NME8: variants seen among roughly 807,000 people sequenced by gnomAD.
The protein encoded by NME8 is protein NME8.
Under a neutral mutation model 82.3 loss-of-function variants are expected in NME8, and 72 were observed. The observed-to-expected ratio is 0.87, with a 90% CI of 0.72 to 1.06. NME8 has a LOEUF of 1.06. Ranked by LOEUF, NME8 falls within the 50% of genes least tolerant of loss-of-function variation. NME8 has a pLI of 0.00. For missense variants in NME8, 712 were observed against 685.4 expected (o/e 1.04, Z -0.43); for synonymous variants, 267 against 228.5 (o/e 1.17, Z -1.52).
chr7:37,880,693 G>C (rs1267306761), intron 12 of NME8, among the ~76,000 whole-genome samples: 3 of 152,042 alleles, frequency 2.0e-5, no homozygotes, highest in Non-Finnish European at 2.9e-5. Context: ...CTGGGCTTTT[G>C]GTTGGGATTG....
chr7:37,867,248 C>T (rs887094973), intron 10 of NME8, among the ~76,000 whole-genome samples: 1 of 151,492 alleles, frequency 6.6e-6, no homozygotes, highest in Non-Finnish European at 1.5e-5. Flanking sequence ...ATCTTGAGGC[C>T]CACAAGGAAT....
chr7:37,857,273 G>A lies in NME8; in HGVS notation c.199-1G>A, dbSNP rs750163886. ...TTATATGAAATGTTTACTTTTTCCAGGCAGAAGCTGACAACATTGTGACTT... is the reference window on the plus strand; with the variant it reads ...TTATATGAAATGTTTACTTTTTCCAAGCAGAAGCTGACAACATTGTGACTT... On this transcript the variant is annotated splice_acceptor_variant, in intron 5 of 17. Transcript: ENST00000199447. LOFTEE classifies it high-confidence loss of function. The A allele has an allele frequency of 6.2e-7, 1 of 1,607,828 alleles. No homozygotes were observed. The highest frequency in any genetic ancestry group is 8.5e-7 in the Non-Finnish European group (1 of 1,175,440).
chr7:37,871,269 G>A (rs1350423815), intron 11 of NME8, among the ~76,000 whole-genome samples: 2 of 152,174 alleles, frequency 1.3e-5, no homozygotes, highest in African/African-American at 4.8e-5. Context: ...TCGATGGTCT[G>A]CCTGCTCCAG....
At chr7:37,882,589 AAGAAAGAAAGAG>A (rs763032544) in intron 12 of NME8, among the ~76,000 whole-genome samples, 14 of 52,326 alleles carry the variant, frequency 2.7e-4, no homozygotes, top group African/African-American at 6.6e-4. Context: ...GAAAGAAAGA[AAGAAAGAAAGAG>A]AGAGAGAGAG....
intron 5 of NME8, among the ~76,000 whole-genome samples, chr7:37,856,206 A>G (rs552219049): frequency 6.6e-6 from 1 of 152,322 alleles, no homozygotes; most frequent in South Asian, 2.1e-4. Flanking sequence ...ACAAAAACCA[A>G]CTGTTATAAA....
At chr7:37,890,186 T>A (rs1785107472) in intron 15 of NME8, among the ~76,000 whole-genome samples, 1 of 151,994 alleles carries the variant, frequency 6.6e-6, no homozygotes, top group Non-Finnish European at 1.5e-5. Context: ...ATCACTTTTT[T>A]TAGGCTTGTC....
At chr7:37,894,231 G>A (rs780344659) in intron 15 of NME8, among the ~76,000 whole-genome samples, 16 of 152,114 alleles carry the variant, frequency 1.1e-4, no homozygotes, top group Non-Finnish European at 2.2e-4. Context: ...CCTACTAGGT[G>A]TTTCAGGTGG....
chr7:37,887,740 A>G (rs948498580), intron 14 of NME8, among the ~76,000 whole-genome samples: 4 of 152,166 alleles, frequency 2.6e-5, no homozygotes, highest in Non-Finnish European at 5.9e-5. Flanking sequence ...ACAGTTCCGC[A>G]TGGCTGGGGA....
intron 11 of NME8, among the ~76,000 whole-genome samples, 164 bp downstream of exon 11, chr7:37,868,062 G>A (rs1010646621): frequency 1.2e-4 from 18 of 152,242 alleles, no homozygotes; most frequent in Non-Finnish European, 1.5e-5. Context: ...CTGTGTGCCA[G>A]GTGAAGTGTC....
intron 10 of NME8, among the ~76,000 whole-genome samples, chr7:37,867,094 C>T (rs1478330607): frequency 2.0e-5 from 3 of 152,120 alleles, no homozygotes; most frequent in Non-Finnish European, 4.4e-5. Flanking sequence ...GCAGAGGAAG[C>T]CATCAGATGT....
rs1785239974 is a variant in NME8 at position 37,897,024 on chromosome 7, G to A, written c.1699G>A (p.Gly567Arg). The A allele has an allele frequency of 6.2e-7, 1 of 1,613,792 alleles. No individual in the cohort carries two copies. The highest frequency in any genetic ancestry group is 8.5e-7 in the Non-Finnish European group (1 of 1,179,910). ...AAGTAAATTGAAAAACATTGTCCAT[G>A]GAGCATCTAACGCCTATGAAGCAAA... ...GISKLKNIVH[G>R]ASNAYEAKEV... The change falls in exon 17 of 18, where the codon GGA becomes AGA. Residue 567 changes from glycine to arginine, a missense_variant. Gly to Arg is a moderately radical substitution (Grantham distance 125). Coordinates refer to ENST00000199447, the MANE Select transcript of NME8 (RefSeq NM_016616.5).
chr7:37,874,625 C>A lies in NME8; in HGVS notation c.819-2207C>A, dbSNP rs78968464. On this transcript the variant is annotated intron_variant, in intron 11 of 17. Coordinates refer to ENST00000199447, the MANE Select transcript of NME8 (RefSeq NM_016616.5). ...AAAATAAGGGGAAAAAAGAAGAAAC[C>A]TCAATTTAAAATAAATAGTCTAGAT... 2.6e-4 allele frequency among the ~76,000 whole-genome samples: 40 copies of A among 151,750 alleles called. No individual in the cohort carries two copies. In the East Asian group the frequency reaches 7.8e-3, roughly 29 times the overall value.
intron 12 of NME8, among the ~76,000 whole-genome samples, chr7:37,879,946 CATATT>C (rs1387228914): frequency 6.6e-6 from 1 of 152,158 alleles, no homozygotes; most frequent in African/African-American, 2.4e-5. Context: ...TCCCTAATGA[CATATT>C]ATGCAGAGCT....
rs1342843752 is a variant in NME8 at position 37,885,211 on chromosome 7, A to G, written c.1206A>G (p.Gly402=). Residue 402 remains glycine, a synonymous_variant, in exon 14 of 18, where the codon GGA becomes GGG. Coordinates refer to ENST00000199447, the MANE Select transcript of NME8 (RefSeq NM_016616.5). ...NGLQYWKQLL[G]PRTVEEAIEY... The stretch of plus-strand genomic sequence containing the variant: ...TGCAATACTGGAAACAATTACTGGG[A>G]CCAAGAACTGTTGAAGAAGCCATTG... 6.2e-7 allele frequency: 1 copy of G among 1,613,530 alleles called. No individual in the cohort carries two copies. The highest frequency in any genetic ancestry group is 2.2e-5 in the East Asian group (1 of 44,816).
chr7:37,863,852 A>T (rs1256486346), intron 8 of NME8, among the ~76,000 whole-genome samples: 1 of 152,212 alleles, frequency 6.6e-6, no homozygotes, highest in Non-Finnish European at 1.5e-5. Flanking sequence ...GATTATCTGC[A>T]TTGGGGTAGT....
chr7:37,869,114 G>T (rs1276631397), intron 11 of NME8, among the ~76,000 whole-genome samples: 1 of 152,098 alleles, frequency 6.6e-6, no homozygotes, highest in African/African-American at 2.4e-5. Context: ...TCCCTTGTTG[G>T]TCCTTCTTGA....
In NME8 at chr7:37,866,487, C is replaced by T. The variant is rs375606882; in HGVS notation, c.621+870C>T. Among the ~76,000 whole-genome samples the T allele has an allele frequency of 2.4e-4, 37 of 152,246 alleles. No individual in the cohort carries two copies. In the South Asian group the frequency reaches 7.7e-3, roughly 32 times the overall value. On this transcript the variant is annotated intron_variant, in intron 10 of 17. Transcript: ENST00000199447. ...GAGAAAATCCAATTCCTGGGCCCCA[C>T]CTCAGACTTACTAAATCAGAAACTG... is the stretch of plus-strand genomic sequence containing the variant.
chr7:37,862,274 T>C, intron 7 of NME8, 130 bp downstream of exon 7: 1 of 708,174 alleles, frequency 1.4e-6, no homozygotes. Flanking sequence ...TTTAAAAAAG[T>C]ACATTACCTT....
chr7:37,871,745 ATTCTC>A, intron 11 of NME8, among the ~76,000 whole-genome samples: 1 of 152,126 alleles, frequency 6.6e-6, no homozygotes, highest in Admixed American at 6.5e-5. Context: ...GAAAATATCT[ATTCTC>A]TTCTCAGTAG....
Sources: allele counts gnomAD v4.1 joint callset (sites outside exome capture counted in the v4.1 genomes callset), GRCh38; gene constraint gnomAD v4.1.1; transcripts MANE v1.5; gene names NCBI Gene and HGNC (gene_info 2026-07-23, HGNC 2026-07-21).